MAP4K3: variants seen among roughly 807,000 people sequenced by gnomAD.
MAP4K3 encodes MAPK/ERK kinase kinase kinase 3.
MAP4K3 carries 94 observed loss-of-function variants against 143.5 expected under a neutral mutation model. The observed-to-expected ratio is 0.65, with a 90% confidence interval of 0.55 to 0.78. The LOEUF (loss-of-function observed/expected upper bound fraction) is 0.78, where lower values mean the gene tolerates loss of function less well. Ranked by LOEUF, MAP4K3 falls within the 30% of genes least tolerant of loss-of-function variation. MAP4K3 has a pLI of 0.00. For synonymous variants in MAP4K3, 416 were observed against 347.2 expected, an observed-to-expected ratio of 1.20 and a Z score of -2.20; for missense variants, 1,077 against 1,068.1, an observed-to-expected ratio of 1.01 and a Z score of -0.12.
At chr2:39,314,391 T>G (rs6748834) in intron 13 of MAP4K3, among the ~76,000 whole-genome samples, 2,363 of 152,320 alleles carry the variant, frequency 0.016, 63 homozygotes, top group African/African-American at 0.054. Flanking sequence ...TTTTTGTATA[T>G]TAAAATATGA....
intron 24 of MAP4K3, among the ~76,000 whole-genome samples, chr2:39,273,635 T>C (rs922727744): frequency 2.0e-5 from 3 of 152,088 alleles, no homozygotes; most frequent in Admixed American, 2.0e-4. Flanking sequence ...GAAAAGGTAA[T>C]AATAAAAGGG....
At chr2:39,367,001 G>GA (rs1665941442) in intron 2 of MAP4K3, among the ~76,000 whole-genome samples, 1 of 151,754 alleles carries the variant, frequency 6.6e-6, no homozygotes, top group African/African-American at 2.4e-5. Context: ...CAAAACAAAT[G>GA]AAAAAATGAT....
At position 39,403,629 on chromosome 2, in the gene MAP4K3, A is replaced by T. The variant is rs139617963; in HGVS notation, c.97-25506T>A. Among the ~76,000 whole-genome samples, 62 of 152,198 alleles carry T rather than the reference A, an allele frequency of 4.1e-4. No individual in the cohort carries two copies. In the East Asian group the frequency reaches 9.9e-3, roughly 24 times the overall value. Reference sequence around the variant, plus strand: ...CCCACCATGGGATGAAGTACTCTGCAGCCCTCAATAAACCTGAAAGGCAGT... The same window carrying T: ...CCCACCATGGGATGAAGTACTCTGCTGCCCTCAATAAACCTGAAAGGCAGT... On this transcript the variant is annotated intron_variant, in intron 1 of 33. Coordinates refer to ENST00000263881, the MANE Select transcript of MAP4K3 (RefSeq NM_003618.4).
At chr2:39,405,976 A>G (rs1667082334) in intron 1 of MAP4K3, among the ~76,000 whole-genome samples, 1 of 151,110 alleles carries the variant, frequency 6.6e-6, no homozygotes, top group Non-Finnish European at 1.5e-5. Flanking sequence ...TGAGGAAACT[A>G]AAAAAAATTC....
intron 6 of MAP4K3, among the ~76,000 whole-genome samples, chr2:39,334,178 C>T (rs879406778): frequency 6.6e-6 from 1 of 152,102 alleles, no homozygotes; most frequent in Non-Finnish European, 1.5e-5. Context: ...AAATGTCACC[C>T]CTCTGCATGA....
Position 39,280,360 on chromosome 2 carries a change from G to C in MAP4K3, c.1630-4C>G, listed in dbSNP as rs1241266039. ...CTTTTGAAAAACATGCACCCATCTA[G>C]GGAAACAAAGAATAACCAATATGAA... On this transcript the variant is annotated splice_region_variant and splice_polypyrimidine_tract_variant and intron_variant, in intron 22 of 33. Coordinates refer to ENST00000263881, the MANE Select transcript of MAP4K3 (RefSeq NM_003618.4). 1.9e-6 allele frequency: 3 copies of C among 1,575,430 alleles called. No homozygotes were observed. The highest frequency in any genetic ancestry group is 2.6e-6 in the Non-Finnish European group (3 of 1,150,506).
At chr2:39,382,216 G>C (rs1258964997) in intron 1 of MAP4K3, among the ~76,000 whole-genome samples, 2 of 152,128 alleles carry the variant, frequency 1.3e-5, no homozygotes, top group African/African-American at 4.8e-5. Flanking sequence ...GTGAACTGAG[G>C]GTTAACAACA....
chr2:39,330,847 G>A (rs1011834004), intron 8 of MAP4K3, among the ~76,000 whole-genome samples: 2 of 152,008 alleles, frequency 1.3e-5, no homozygotes, highest in African/African-American at 4.8e-5. Flanking sequence ...ATCAGGAAAA[G>A]CTTTTTTCAG....
chr2:39,344,980 TG>T (rs1366069145), intron 3 of MAP4K3, among the ~76,000 whole-genome samples: 1 of 152,216 alleles, frequency 6.6e-6, no homozygotes, highest in Non-Finnish European at 1.5e-5. Flanking sequence ...GTTACCTTCC[TG>T]TAGATAATCT....
chr2:39,348,724 G>A (rs927772497), intron 3 of MAP4K3, among the ~76,000 whole-genome samples: 1 of 151,934 alleles, frequency 6.6e-6, no homozygotes, highest in Non-Finnish European at 1.5e-5. Context: ...TTCTCATTTT[G>A]TAAAATTATT....
intron 1 of MAP4K3, among the ~76,000 whole-genome samples, chr2:39,421,660 T>C (rs1266922747): frequency 6.6e-6 from 1 of 152,160 alleles, no homozygotes; most frequent in Non-Finnish European, 1.5e-5. Flanking sequence ...ACATAGTATA[T>C]ACTCTATAAA....
intron 15 of MAP4K3, among the ~76,000 whole-genome samples, chr2:39,306,428 G>C (rs1682709167): frequency 6.6e-6 from 1 of 152,108 alleles, no homozygotes; most frequent in Non-Finnish European, 1.5e-5. Context: ...TTTATTTTGA[G>C]ACAGTGCATT....
intron 27 of MAP4K3, among the ~76,000 whole-genome samples, chr2:39,265,560 G>A (rs1178261021): frequency 6.6e-6 from 1 of 152,198 alleles, no homozygotes; most frequent in East Asian, 1.9e-4. Context: ...TAATGAGGCT[G>A]TGGGGTAAGA....
At chr2:39,280,792 T>A (rs1681484622) in intron 22 of MAP4K3, among the ~76,000 whole-genome samples, 1 of 152,146 alleles carries the variant, frequency 6.6e-6, no homozygotes, top group South Asian at 2.1e-4. Flanking sequence ...GAATTTCACA[T>A]TACAAACTGA....
In MAP4K3 at chr2:39,265,200, T is replaced by C; in HGVS notation, c.2136+3A>G. Reference sequence around the variant, plus strand: ...AATAAGATAGTCTGACTTTTATGCTTACCTTAATTAACATAAATTTCTGCA... The same window carrying C: ...AATAAGATAGTCTGACTTTTATGCTCACCTTAATTAACATAAATTTCTGCA... On this transcript the variant is annotated splice_donor_region_variant and intron_variant, in intron 28 of 33. Transcript: ENST00000263881. 6.4e-7 allele frequency: 1 copy of C among 1,568,526 alleles called. No homozygotes were observed. The highest frequency in any genetic ancestry group is 8.8e-7 in the Non-Finnish European group (1 of 1,139,182).
At chr2:39,361,356 T>G (rs897192372) in intron 2 of MAP4K3, among the ~76,000 whole-genome samples, 8 of 152,122 alleles carry the variant, frequency 5.3e-5, no homozygotes, top group Non-Finnish European at 1.2e-4. Flanking sequence ...TATGTTTACT[T>G]ATATGTGTGT....
intron 13 of MAP4K3, among the ~76,000 whole-genome samples, chr2:39,311,575 T>G (rs1272381672): frequency 2.6e-5 from 4 of 152,198 alleles, no homozygotes; most frequent in Non-Finnish European, 5.9e-5. Context: ...AGATAAAGCT[T>G]CTGTCTTGGG....
chr2:39,288,120 C>T lies in MAP4K3; in HGVS notation c.1474+1G>A. On this transcript the variant is annotated splice_donor_variant, in intron 20 of 33. Transcript: ENST00000263881. LOFTEE classifies it high-confidence loss of function. ...TATTTGCTGTCACCCTCCACCATTA[C>T]CTAAGGCAACAGGTTTGTGTGGGGG... 1.2e-6 allele frequency: 2 copies of T among 1,613,830 alleles called. No individual in the cohort carries two copies. Among genetic ancestry groups the T allele is most frequent in the Non-Finnish European group, 1.7e-6 (2 of 1,179,900 alleles).
chr2:39,292,700 T>C, intron 18 of MAP4K3, 73 bp downstream of exon 18: 1 of 1,208,920 alleles, frequency 8.3e-7, no homozygotes, highest in Admixed American at 1.7e-5. Flanking sequence ...TCCATCAATA[T>C]TAAGCTGCCA....
Sources: allele counts gnomAD v4.1 joint callset (sites outside exome capture counted in the v4.1 genomes callset), GRCh38; gene constraint gnomAD v4.1.1; transcripts MANE v1.5; gene names NCBI Gene and HGNC (gene_info 2026-07-23, HGNC 2026-07-21).